NCKAP1L: variants seen among roughly 807,000 people sequenced by gnomAD.
The protein encoded by NCKAP1L is NCK associated protein 1 like.
In NCKAP1L, 53 loss-of-function variants were observed where a neutral mutation model predicts 139.2. That is an observed-to-expected ratio of 0.38 (90% confidence interval 0.31 to 0.48). NCKAP1L has a LOEUF of 0.48. NCKAP1L is among the 20% of genes least tolerant of loss of function. NCKAP1L has a pLI of 0.98. For missense variants in NCKAP1L, 1,151 were observed against 1,381.9 expected (o/e 0.83, Z 2.65); for synonymous variants, 468 against 499.7 (o/e 0.94, Z 0.85).
intron 20 of NCKAP1L, among the ~76,000 whole-genome samples, chr12:54,525,399 A>G (rs781433931): frequency 5.9e-5 from 9 of 152,218 alleles, no homozygotes; most frequent in Non-Finnish European, 1.0e-4. Context: ...CACGTTAACT[A>G]TAAGGAAGAA....
At chr12:54,513,225 C>A (rs541357378) in intron 9 of NCKAP1L, among the ~76,000 whole-genome samples, 1 of 152,056 alleles carries the variant, frequency 6.6e-6, no homozygotes, top group Non-Finnish European at 1.5e-5. Flanking sequence ...AGGTTTCTGG[C>A]GTGGATATCT....
chr12:54,522,720 T>C (rs1279241470), intron 18 of NCKAP1L, among the ~76,000 whole-genome samples: 1 of 152,216 alleles, frequency 6.6e-6, no homozygotes, highest in Non-Finnish European at 1.5e-5. Context: ...TGATTTCAAC[T>C]GAGGAGCTTC....
intron 22 of NCKAP1L, among the ~76,000 whole-genome samples, chr12:54,529,362 T>A (rs917321823): frequency 2.0e-5 from 3 of 152,160 alleles, no homozygotes; most frequent in Non-Finnish European, 2.9e-5. Flanking sequence ...GGTTTGAAAC[T>A]ACAAGATCCT....
chr12:54,542,182 G>A (rs1283574707), intron 30 of NCKAP1L, among the ~76,000 whole-genome samples: 1 of 152,096 alleles, frequency 6.6e-6, no homozygotes, highest in African/African-American at 2.4e-5. Context: ...GGCCTGCAGT[G>A]GTGTTTGTTT....
chr12:54,516,505 G>A (rs1478339939), intron 10 of NCKAP1L, among the ~76,000 whole-genome samples: 3 of 151,574 alleles, frequency 2.0e-5, no homozygotes, highest in African/African-American at 7.3e-5. Flanking sequence ...GGGTGCAATG[G>A]CATGATCTCG....
chr12:54,529,908 T>A (rs76982338), intron 22 of NCKAP1L, among the ~76,000 whole-genome samples: 2,257 of 152,322 alleles, frequency 0.015, 31 homozygotes, highest in Non-Finnish European at 0.025. Flanking sequence ...GATCAGTGTG[T>A]CTCCTTTCTG....
Position 54,526,479 on chromosome 12 carries a change from A to G in NCKAP1L, c.2157-49A>G, listed in dbSNP as rs201003248. ...ATATACACTCAACAATTGTTACTGT[A>G]TTTGCCATTATGATTGTAATTCTAA... On this transcript the variant is annotated intron_variant, in intron 20 of 30. Transcript: ENST00000293373. 11 of 1,421,282 alleles carry G rather than the reference A, an allele frequency of 7.7e-6. No homozygotes were observed. In the East Asian group the frequency reaches 2.1e-4, roughly 27 times the overall value. 88.0% of individuals were successfully genotyped at this position (1,421,282 alleles called of 1,614,324 possible). A position where few individuals can be genotyped will look rare whatever the true frequency, so the allele number is the denominator to read the frequency against.
At chr12:54,537,673 A>G (rs1228066178) in intron 29 of NCKAP1L, among the ~76,000 whole-genome samples, 2 of 152,200 alleles carry the variant, frequency 1.3e-5, no homozygotes, top group African/African-American at 4.8e-5. Context: ...TTTAATGTAA[A>G]TCAGAATCAC....
rs1441659002 is a variant in NCKAP1L, at chr12:54,516,744, C to A, written c.999-152C>A. On this transcript the variant is annotated intron_variant, in intron 10 of 30. Transcript: ENST00000293373. ...TACAGGCAAGAGCCACCACTCCTGG[C>A]CCTTTTTTCTTTTTTAAACCAAGTC... 2.9e-5 allele frequency: 18 copies of A among 619,978 alleles called. No homozygotes were observed. The Admixed American group carries it at 5.3e-4, about 18-fold the overall frequency. 38.4% of individuals were successfully genotyped at this position (619,978 alleles called of 1,614,324 possible). A position where few individuals can be genotyped will look rare whatever the true frequency, so the allele number is the denominator to read the frequency against.
Position 54,512,025 on chromosome 12 carries a change from C to A in NCKAP1L, c.861C>A (p.Gly287=), listed in dbSNP as rs1412316278. The A allele has an allele frequency of 8.7e-6, 14 of 1,614,078 alleles. No individual in the cohort carries two copies. The highest frequency in any genetic ancestry group is 4.4e-5 in the South Asian group (4 of 91,092). Residue 287 remains glycine, a synonymous_variant, in exon 9 of 31, where the codon GGC becomes GGA. Coordinates refer to ENST00000293373, the MANE Select transcript of NCKAP1L (RefSeq NM_005337.5). ...CQKLWKLCLQ[G]SLYITLIRED... is the part of the protein sequence containing the mutation. ...AGCTGTGGAAGCTGTGTCTGCAGGG[C>A]TCCCTCTACATCACCCTTATCCGTG... is the stretch of plus-strand genomic sequence containing the variant.
intron 9 of NCKAP1L, among the ~76,000 whole-genome samples, chr12:54,514,681 G>A (rs565877477): frequency 2.6e-5 from 4 of 152,148 alleles, no homozygotes; most frequent in Non-Finnish European, 5.9e-5. Context: ...CTGAAGTAAA[G>A]GGTATGTACA....
rs11418212 is a variant in NCKAP1L, at chr12:54,546,382, A to AAT, written c.*3697_*3698insAT. 1 of 150,296 alleles carries AAT rather than the reference A, an allele frequency of 6.7e-6. No individual in the cohort carries two copies. Among genetic ancestry groups the AAT allele is most frequent in the Non-Finnish European group, 1.5e-5 (1 of 67,844 alleles). 9.3% of individuals were successfully genotyped at this position (150,296 alleles called of 1,614,324 possible). On this transcript the variant is annotated 3_prime_UTR_variant, in exon 31 of 31. Transcript: ENST00000293373. ...CTCACAAAAAAAAAAAAAAAAAAAA[A>AAT]TGCAGAAGGTCCAGGGCCTGGCCAA...
chr12:54,514,085 C>A (rs1057439607), intron 9 of NCKAP1L, among the ~76,000 whole-genome samples: 1 of 151,568 alleles, frequency 6.6e-6, no homozygotes, highest in Admixed American at 6.6e-5. Flanking sequence ...ATATTATGTT[C>A]TATGGTTTGC....
chr12:54,544,283 C>G lies in NCKAP1L; in HGVS notation c.*1598C>G, dbSNP rs1380211895. 6.6e-6 allele frequency: 1 copy of G among 152,148 alleles called. No homozygotes were observed. Among genetic ancestry groups the G allele is most frequent in the Admixed American group, 6.5e-5 (1 of 15,276 alleles). The allele number at this position is 152,148 out of a possible 1,614,324, so 9.4% of individuals were successfully genotyped here. A position where few individuals can be genotyped will look rare whatever the true frequency, so the allele number is the denominator to read the frequency against. On this transcript the variant is annotated 3_prime_UTR_variant, in exon 31 of 31. Coordinates refer to ENST00000293373, the MANE Select transcript of NCKAP1L (RefSeq NM_005337.5). ...AGGCTCAGAAGTATCTGAACAACTA[C>G]TCTATATGTTTATATTTTTCTGCTT...
rs565705685 is a variant in NCKAP1L at position 54,519,686 on chromosome 12, C to T, written c.1625+354C>T. Among the ~76,000 whole-genome samples the T allele has an allele frequency of 7.2e-5, 11 of 152,130 alleles. No individual in the cohort carries two copies. In the South Asian group the frequency reaches 1.7e-3, roughly 23 times the overall value. On this transcript the variant is annotated intron_variant, in intron 16 of 30. Coordinates refer to ENST00000293373, the MANE Select transcript of NCKAP1L (RefSeq NM_005337.5). ...AGATCTCCTTAAGGTGCTCAAACTC[C>T]GCAGCTCACTTGTGTCAGCTTTTTA... is the stretch of plus-strand genomic sequence containing the variant.
chr12:54,535,180 T>C lies in NCKAP1L; in HGVS notation c.2939T>C (p.Ile980Thr). The change falls in exon 27 of 31, where the codon ATT becomes ACT. Residue 980 changes from isoleucine (I) to threonine (T), a missense_variant. Transcript: ENST00000293373. The part of the protein sequence containing the change: ...CDIDPALVAA[I>T]ANLKADTSSP... ...ATTGACCCAGCCTTGGTGGCTGCCA[T>C]TGCTAATCTGAAAGCTGGTAAGATT... 6.2e-7 allele frequency: 1 copy of C among 1,613,600 alleles called. No individual in the cohort carries two copies. The highest frequency in any genetic ancestry group is 1.3e-5 in the African/African-American group (1 of 74,976).
Position 54,536,163 on chromosome 12 carries a change from C to T in NCKAP1L, c.2991C>T (p.Ala997=). The T allele has an allele frequency of 6.2e-7, 1 of 1,613,472 alleles. No individual in the cohort carries two copies. Among genetic ancestry groups the T allele is most frequent in the South Asian group, 1.1e-5 (1 of 91,074 alleles). Residue 997 remains alanine (A), a synonymous_variant, in exon 28 of 31, where the codon GCC becomes GCT. Coordinates refer to ENST00000293373, the MANE Select transcript of NCKAP1L (RefSeq NM_005337.5). ...CTCCTGAGGAGGAATATAAGGTGGC[C>T]TGCCTGCTCTTGATCTTTCTGGCAG... The part of the protein sequence containing the change: ...TSSPEEEYKV[A]CLLLIFLAVS...
chr12:54,539,016 G>A (rs761409898), intron 30 of NCKAP1L, 43 bp downstream of exon 30: 39 of 1,544,390 alleles, frequency 2.5e-5, no homozygotes, highest in South Asian at 1.3e-4. Context: ...GGGAATGGAA[G>A]GGCCAGAGGG....
rs1957071767 is a variant in NCKAP1L, at chr12:54,531,539, T to C, written c.2653T>C (p.Phe885Leu). The stretch of plus-strand genomic sequence containing the variant: ...CATACTTGTTCAGATCAGATCCAAC[T>C]TTAGCAAGCCGGACTTGATGGCTTC... Reference protein sequence around the residue: ...MDILVQIRSNFSKPDLMASLL... With the variant: ...MDILVQIRSNLSKPDLMASLL... The change falls in exon 24 of 31, where the codon TTT (phenylalanine) becomes CTT (leucine). Residue 885 changes from phenylalanine (F) to leucine (L), a missense_variant. Phe to Leu is a conservative substitution (Grantham distance 22). Transcript: ENST00000293373. The C allele has an allele frequency of 6.2e-7, 1 of 1,614,218 alleles. No homozygotes were observed. The highest frequency in any genetic ancestry group is 8.5e-7 in the Non-Finnish European group (1 of 1,180,028).
Sources: allele counts gnomAD v4.1 joint callset (sites outside exome capture counted in the v4.1 genomes callset), GRCh38; gene constraint gnomAD v4.1.1; transcripts MANE v1.5; gene names NCBI Gene and HGNC (gene_info 2026-07-23, HGNC 2026-07-21).